The following MAP3K15 variants were observed in gnomAD, a reference collection of about 807,000 sequenced individuals.
The protein encoded by MAP3K15 is MAPK/ERK kinase kinase 15.
In MAP3K15, 124 loss-of-function variants were observed where a neutral mutation model predicts 99.5. The ratio of observed to expected loss-of-function variants is 1.25; its 90% CI spans 1.08 to 1.45. The LOEUF (loss-of-function observed/expected upper bound fraction) is 1.45, where lower values mean the gene tolerates loss of function less well. Among genes scored for constraint, MAP3K15 ranks in the 40% most tolerant of loss-of-function variants. The pLI is 0.00. For missense variants in MAP3K15, 1,242 were observed against 1,079.7 expected (o/e 1.15, Z -2.11); for synonymous variants, 494 against 439.6 (o/e 1.12, Z -1.55).
intron 13 of MAP3K15, 125 bp from the exon 14 acceptor site, chrX:19,400,788 A>G (rs2063602698): frequency 1.8e-5 from 8 of 454,014 alleles, no homozygotes; most frequent in Non-Finnish European, 3.0e-5. Flanking sequence ...GGAACAATCG[A>G]TCCCCTCCTT....
intron 1 of MAP3K15, among the ~76,000 whole-genome samples, chrX:19,494,292 C>A (rs1322196882): frequency 9.0e-6 from 1 of 110,898 alleles, no homozygotes; most frequent in East Asian, 2.8e-4. Context: ...GAGACTCTGT[C>A]TTTTTAAGAG....
intron 3 of MAP3K15, among the ~76,000 whole-genome samples, chrX:19,469,753 C>G (rs1164744155): frequency 9.0e-6 from 1 of 111,184 alleles, no homozygotes; most frequent in Non-Finnish European, 1.9e-5. Flanking sequence ...TATGAACAGA[C>G]ACTTCTCAAA....
In MAP3K15 at chrX:19,457,018, T is replaced by TC. The variant is rs781700409; in HGVS notation, c.889dup (p.Asp297GlyfsTer3). 1 of 1,180,155 alleles carries TC rather than the reference T, an allele frequency of 8.5e-7. No homozygotes were observed. The highest frequency in any genetic ancestry group is 3.0e-5 in the East Asian group (1 of 33,659). Reference sequence around the variant, plus strand: ...CACCAGCTTCACCATCGCATCATAGTCCTGTTGGCAAGAGGTCCCAAAGTG... The same window carrying TC: ...CACCAGCTTCACCATCGCATCATAGTCCCTGTTGGCAAGAGGTCCCAAAGTG... On this transcript the variant is annotated frameshift_variant and splice_region_variant, in exon 6 of 29. Coordinates refer to ENST00000338883, the MANE Select transcript of MAP3K15 (RefSeq NM_001001671.4). LOFTEE classifies it high-confidence loss of function.
Position 19,369,069 on chromosome X carries a change from C to T in MAP3K15, c.3551G>A (p.Arg1184Lys). Residue 1184 changes from arginine to lysine, a missense_variant, in exon 25 of 29, where the codon AGA (arginine) becomes AAA (lysine). Arg to Lys is a conservative substitution (Grantham distance 26). Transcript: ENST00000338883. ...QHLSLQLGEL[R>K]QETNRLLEHL... Reference sequence around the variant, plus strand: ...AGCTCCTCACCTGTTGGTCTCCTGTCTGAGCTCACCCAGCTGGAGGCTCAG... The same window carrying T: ...AGCTCCTCACCTGTTGGTCTCCTGTTTGAGCTCACCCAGCTGGAGGCTCAG... 8.3e-7 allele frequency: 1 copy of T among 1,203,791 alleles called. No homozygotes were observed. The highest frequency in any genetic ancestry group is 1.1e-6 in the Non-Finnish European group (1 of 891,793).
At chrX:19,484,678 C>T (rs143266251) in intron 3 of MAP3K15, among the ~76,000 whole-genome samples, 2 of 111,822 alleles carry the variant, frequency 1.8e-5, no homozygotes, top group Non-Finnish European at 3.8e-5. Context: ...AGAAAGAAAA[C>T]GAGTTGTCTT....
chrX:19,412,049 A>G (rs2063692731), intron 11 of MAP3K15, among the ~76,000 whole-genome samples: 1 of 111,968 alleles, frequency 8.9e-6, no homozygotes, highest in African/African-American at 3.2e-5. Flanking sequence ...GGATAGTGGC[A>G]GACAGCAGGA....
intron 9 of MAP3K15, among the ~76,000 whole-genome samples, chrX:19,416,220 A>G (rs1190306167): frequency 9.0e-6 from 1 of 111,246 alleles, no homozygotes; most frequent in African/African-American, 3.3e-5. Context: ...AGTCCCAACT[A>G]CTTGGGAGGC....
intron 16 of MAP3K15, among the ~76,000 whole-genome samples, chrX:19,393,711 A>G (rs1234690310): frequency 2.9e-5 from 3 of 102,899 alleles, no homozygotes; most frequent in East Asian, 3.0e-4. Flanking sequence ...AAGACAAACT[A>G]CTTTATTTAT....
intron 3 of MAP3K15, among the ~76,000 whole-genome samples, chrX:19,468,625 T>C: frequency 8.9e-6 from 1 of 111,839 alleles, no homozygotes; most frequent in Non-Finnish European, 1.9e-5. Flanking sequence ...CATATGAACT[T>C]TAAAGTAGTT....
Position 19,435,885 on chromosome X carries a change from G to C in MAP3K15, c.996-4277C>G, listed in dbSNP as rs1234420758. 1.8e-5 allele frequency among the ~76,000 whole-genome samples: 2 copies of C among 112,498 alleles called. 1 individual carries two copies. The highest frequency in any genetic ancestry group is 6.5e-5 in the African/African-American group (2 of 30,961). Reference sequence around the variant, plus strand: ...AATCACCTGGGAGGCTGGGCGTGGTGGCTCACGCCTGTAATCCCAGCACTT... The same window carrying C: ...AATCACCTGGGAGGCTGGGCGTGGTCGCTCACGCCTGTAATCCCAGCACTT... On this transcript the variant is annotated intron_variant, in intron 6 of 28. Coordinates refer to ENST00000338883, the MANE Select transcript of MAP3K15 (RefSeq NM_001001671.4).
chrX:19,388,633 G>A (rs1266880478), intron 18 of MAP3K15, among the ~76,000 whole-genome samples: 1 of 111,898 alleles, frequency 8.9e-6, no homozygotes, highest in Non-Finnish European at 1.9e-5. Flanking sequence ...TAGGTACAAC[G>A]AGCATTTCTA....
intron 25 of MAP3K15, among the ~76,000 whole-genome samples, chrX:19,364,979 G>C (rs1278340044): frequency 9.1e-6 from 1 of 109,426 alleles, no homozygotes; most frequent in Non-Finnish European, 1.9e-5. Context: ...CAAGGCGGGA[G>C]GATCACCTGA....
chrX:19,447,567 G>C lies in MAP3K15; in HGVS notation c.995+9346C>G, dbSNP rs192668842. ...AAGGGGGTTATACAGGGTTGATTTA[G>C]TGGCCCTTCTGTCTCTTTAGAAACT... On this transcript the variant is annotated intron_variant, in intron 6 of 28. Coordinates refer to ENST00000338883, the MANE Select transcript of MAP3K15 (RefSeq NM_001001671.4). Among the ~76,000 whole-genome samples the C allele has an allele frequency of 3.6e-5, 4 of 110,590 alleles. No individual in the cohort carries two copies. In the Admixed American group the frequency reaches 3.9e-4, roughly 11 times the overall value.
chrX:19,398,820 T>A (rs930561762), intron 14 of MAP3K15, among the ~76,000 whole-genome samples: 1 of 111,412 alleles, frequency 9.0e-6, no homozygotes, highest in African/African-American at 3.3e-5. Context: ...TGCTGGGGCT[T>A]CCCCACTCTT....
chrX:19,433,994 G>C (rs973796825), intron 6 of MAP3K15, among the ~76,000 whole-genome samples: 2 of 111,261 alleles, frequency 1.8e-5, no homozygotes, highest in African/African-American at 3.3e-5. Flanking sequence ...AGGAACATCC[G>C]TAACAGTAAC....
chrX:19,406,862 C>G (rs746040968), intron 13 of MAP3K15, among the ~76,000 whole-genome samples: 1 of 111,651 alleles, frequency 9.0e-6, no homozygotes, highest in Non-Finnish European at 1.9e-5. Context: ...CCACCACACC[C>G]GGCTAATTTT....
At chrX:19,369,654 C>T (rs980645719) in intron 24 of MAP3K15, among the ~76,000 whole-genome samples, 6 of 111,272 alleles carry the variant, frequency 5.4e-5, no homozygotes, top group African/African-American at 1.6e-4. Context: ...CAGTGGCTCA[C>T]GCCTGTAATC....
intron 10 of MAP3K15, 125 bp from the exon 11 acceptor site, chrX:19,413,589 G>A (rs1246598621): frequency 1.1e-5 from 3 of 271,980 alleles, no homozygotes; most frequent in South Asian, 1.0e-4. Context: ...AGTGGCTCAC[G>A]CCTGTAATCC....
In MAP3K15 at chrX:19,454,426, C is replaced by G. The variant is rs139327044; in HGVS notation, c.995+2487G>C. Among the ~76,000 whole-genome samples the G allele has an allele frequency of 6.4e-3, 714 of 111,858 alleles. 10 individuals are homozygous for G. The highest frequency in any genetic ancestry group is 0.021 in the African/African-American group (661 of 30,800). On this transcript the variant is annotated intron_variant, in intron 6 of 28. Coordinates refer to ENST00000338883, the MANE Select transcript of MAP3K15 (RefSeq NM_001001671.4). ...AAATACAAATCACTCATAAAATATT[C>G]CATGCCATCAAGCAGCAAGCAGTTT...
Sources: gnomAD v4.1 joint callset for allele counts (sites outside exome capture counted in the v4.1 genomes callset) on GRCh38, gnomAD v4.1.1 for gene constraint, MANE v1.5 for transcripts, NCBI Gene and HGNC (gene_info 2026-07-23, HGNC 2026-07-21) for gene names.